The following ASIC2 variants were observed in gnomAD, a reference collection of about 807,000 sequenced individuals.
The protein encoded by ASIC2 is acid sensing ion channel subunit 2.
ASIC2 carries 25 observed loss-of-function variants against 57.3 expected under a neutral mutation model. That is an observed-to-expected ratio of 0.44 (90% CI 0.32 to 0.61). The LOEUF (loss-of-function observed/expected upper bound fraction) is 0.61, where lower values mean the gene tolerates loss of function less well. Among genes scored for constraint, ASIC2 ranks in the 20% least tolerant of loss-of-function variants. The pLI is 0.06. For synonymous variants in ASIC2, 319 were observed against 307.5 expected (o/e 1.04, Z -0.39); for missense variants, 641 against 738.1 (o/e 0.87, Z 1.52).
At chr17:33,269,668 TTCCTTCCCTCCCTCCCTCC>T (rs1904383234) in intron 1 of ASIC2, among the ~76,000 whole-genome samples, 1 of 74,780 alleles carries the variant, frequency 1.3e-5, no homozygotes, top group Non-Finnish European at 3.0e-5. Context: ...CCTTCCTTCC[TTCCTTCCCTCCCTCCCTCC>T]TGCCTGCCTG....
intron 1 of ASIC2, among the ~76,000 whole-genome samples, chr17:33,421,212 G>C (rs1911032639): frequency 6.6e-6 from 1 of 152,168 alleles, no homozygotes. Flanking sequence ...CAGGGAGGAG[G>C]GGGCACAGTC....
intron 1 of ASIC2, among the ~76,000 whole-genome samples, chr17:33,163,008 C>T (rs144716684): frequency 1.3e-5 from 2 of 152,210 alleles, no homozygotes; most frequent in African/African-American, 4.8e-5. Flanking sequence ...AGTCTACTGG[C>T]CTGTTCTTGG....
intron 1 of ASIC2, among the ~76,000 whole-genome samples, chr17:33,883,346 T>C (rs1914750438): frequency 6.6e-6 from 1 of 152,240 alleles, no homozygotes; most frequent in African/African-American, 2.4e-5. Context: ...TTGCAGATTT[T>C]GCTTCTAGCA....
At chr17:33,162,954 G>A (rs9674863) in intron 1 of ASIC2, among the ~76,000 whole-genome samples, 39,078 of 151,892 alleles carry the variant, frequency 0.26, 5,102 homozygotes, top group East Asian at 0.39. Flanking sequence ...TATACCTAAA[G>A]TGATCATGGC....
At chr17:34,007,037 C>A (rs758641523) in intron 1 of ASIC2, among the ~76,000 whole-genome samples, 9 of 152,062 alleles carry the variant, frequency 5.9e-5, no homozygotes, top group Non-Finnish European at 1.2e-4. Flanking sequence ...TTTGACCATG[C>A]CTCATGGAAG....
intron 1 of ASIC2, among the ~76,000 whole-genome samples, chr17:33,465,079 G>A (rs1912817132): frequency 6.7e-6 from 1 of 148,598 alleles, no homozygotes; most frequent in Non-Finnish European, 1.5e-5. Flanking sequence ...CAGAGCTCCA[G>A]GAGGAGCTGA....
chr17:33,310,320 C>G (rs1906357494), intron 1 of ASIC2, among the ~76,000 whole-genome samples: 1 of 152,018 alleles, frequency 6.6e-6, no homozygotes, highest in Admixed American at 6.6e-5. Flanking sequence ...CTTTGTCTCT[C>G]CAGGAATAGG....
At chr17:34,115,443 T>A (rs183334290) in intron 1 of ASIC2, among the ~76,000 whole-genome samples, 34 of 152,270 alleles carry the variant, frequency 2.2e-4, no homozygotes, top group Non-Finnish European at 7.4e-5. Flanking sequence ...GGAGGTTGCC[T>A]ACCACCCAAA....
At chr17:33,677,362 C>T (rs915339102) in intron 1 of ASIC2, among the ~76,000 whole-genome samples, 6 of 152,104 alleles carry the variant, frequency 3.9e-5, no homozygotes, top group Admixed American at 2.6e-4. Context: ...ATCCTGGGAC[C>T]CTTAAGAACA....
chr17:33,631,098 G>T (rs1381607390), intron 1 of ASIC2, among the ~76,000 whole-genome samples: 2 of 152,172 alleles, frequency 1.3e-5, no homozygotes, highest in African/African-American at 4.8e-5. Flanking sequence ...TTCTGTGGAT[G>T]GGGCCCAAGA....
At chr17:33,027,140 T>C (rs2091862644) in intron 4 of ASIC2, among the ~76,000 whole-genome samples, 1 of 152,140 alleles carries the variant, frequency 6.6e-6, no homozygotes, top group Non-Finnish European at 1.5e-5. Context: ...ACCCCCACAT[T>C]CACTGGCAAC....
intron 1 of ASIC2, among the ~76,000 whole-genome samples, chr17:33,774,252 G>A (rs1050969490): frequency 1.3e-5 from 2 of 152,118 alleles, no homozygotes; most frequent in African/African-American, 4.8e-5. Flanking sequence ...CAAAATGATG[G>A]GTCAAGGAAA....
intron 1 of ASIC2, among the ~76,000 whole-genome samples, chr17:33,580,985 A>C (rs993951857): frequency 1.3e-5 from 2 of 152,196 alleles, no homozygotes; most frequent in Non-Finnish European, 2.9e-5. Context: ...TCACACCTCT[A>C]ATCTCTAGGA....
At chr17:33,062,529 G>A (rs1453365941) in intron 3 of ASIC2, among the ~76,000 whole-genome samples, 2 of 152,192 alleles carry the variant, frequency 1.3e-5, no homozygotes, top group African/African-American at 4.8e-5. Context: ...CTGAGAGACA[G>A]TTTGTTATAA....
chr17:33,698,977 G>A (rs7221290), intron 1 of ASIC2, among the ~76,000 whole-genome samples: 52,236 of 151,954 alleles, frequency 0.34, 10,355 homozygotes, highest in African/African-American at 0.56. Context: ...GCAAAATGCT[G>A]TCTCCTCATT....
intron 1 of ASIC2, among the ~76,000 whole-genome samples, chr17:33,259,231 C>A (rs1719064874): frequency 6.6e-6 from 1 of 152,156 alleles, no homozygotes; most frequent in Non-Finnish European, 1.5e-5. Context: ...TTTCTAAATG[C>A]AACATCCTCT....
At chr17:33,527,642 C>T (rs990579455) in intron 1 of ASIC2, among the ~76,000 whole-genome samples, 3 of 152,144 alleles carry the variant, frequency 2.0e-5, no homozygotes, top group Non-Finnish European at 1.5e-5. Context: ...TCAGGAATAT[C>T]CCTTTAAAGA....
intron 1 of ASIC2, among the ~76,000 whole-genome samples, chr17:33,888,547 G>A (rs1914884889): frequency 6.6e-6 from 1 of 152,148 alleles, no homozygotes; most frequent in Admixed American, 6.6e-5. Context: ...TGGAGCATCA[G>A]GAAGGTGAAG....
intron 1 of ASIC2, among the ~76,000 whole-genome samples, chr17:33,338,727 T>C (rs1351709874): frequency 6.6e-6 from 1 of 152,212 alleles, no homozygotes; most frequent in Admixed American, 6.5e-5. Flanking sequence ...AGTGTATCTG[T>C]GACATTAAAA....
Sources: gnomAD v4.1 joint callset for allele counts (sites outside exome capture counted in the v4.1 genomes callset) on GRCh38, gnomAD v4.1.1 for gene constraint, MANE v1.5 for transcripts, NCBI Gene and HGNC (gene_info 2026-07-23, HGNC 2026-07-21) for gene names.